Variants in SLC15A1 observed in about 807,000 individuals in gnomAD.
SLC15A1 encodes solute carrier family 15 member 1, also known as Caco-2 oligopeptide transporter.
Under a neutral mutation model 92.9 loss-of-function variants are expected in SLC15A1, and 83 were observed. That is an observed-to-expected ratio of 0.89 (90% CI 0.75 to 1.07). The LOEUF (loss-of-function observed/expected upper bound fraction) is 1.07. Among genes scored for constraint, SLC15A1 ranks in the 50% least tolerant of loss-of-function variants. The pLI is 0.00. For missense variants in SLC15A1, 857 were observed against 880.1 expected (o/e 0.97, Z 0.33); for synonymous variants, 322 against 318.2 (o/e 1.01, Z -0.13).
rs2088166556 is a variant in SLC15A1 at position 98,711,914 on chromosome 13, A to G, written c.840T>C (p.Val280=). Residue 280 remains valine, a synonymous_variant, in exon 11 of 23, where the codon GTT becomes GTC. Coordinates refer to ENST00000376503, the MANE Select transcript of SLC15A1 (RefSeq NM_005073.4). ...GAATATACAGGAACATCACCCTCGT[A>G]ACCATCTTAATTTGGGAGATGAGCC... ...DERLISQIKM[V]TRVMFLYIPL... is the part of the protein sequence containing the mutation. The G allele has an allele frequency of 6.2e-7, 1 of 1,613,120 alleles. No individual in the cohort carries two copies. Among genetic ancestry groups the G allele is most frequent in the East Asian group, 2.2e-5 (1 of 44,878 alleles).
At chr13:98,710,946 T>C (rs1323259517) in intron 11 of SLC15A1, among the ~76,000 whole-genome samples, 3 of 150,356 alleles carry the variant, frequency 2.0e-5, no homozygotes, top group Non-Finnish European at 4.4e-5. Flanking sequence ...CTTTGGAAAA[T>C]GTTAAGGGTT....
At chr13:98,692,512 C>A (rs553197324) in intron 18 of SLC15A1, among the ~76,000 whole-genome samples, 2 of 152,230 alleles carry the variant, frequency 1.3e-5, no homozygotes, top group East Asian at 3.9e-4. Context: ...CTGGGACATG[C>A]CCTACTTTGC....
intron 1 of SLC15A1, among the ~76,000 whole-genome samples, chr13:98,739,922 C>CG (rs1555325362): frequency 5.1e-4 from 77 of 152,224 alleles, no homozygotes; most frequent in Middle Eastern, 6.8e-3. Flanking sequence ...ACTTAAAATA[C>CG]GACAAGAATT....
rs777088882 is a variant in SLC15A1 at position 98,726,249 on chromosome 13, T to C, written c.119A>G (p.Tyr40Cys). 2 of 1,613,950 alleles carry C rather than the reference T, an allele frequency of 1.2e-6. No homozygotes were observed. Among genetic ancestry groups the C allele is most frequent in the Admixed American group, 1.7e-5 (1 of 60,006 alleles). Residue 40 changes from tyrosine (Y) to cysteine (C), a missense_variant, in exon 4 of 23, where the codon TAC becomes TGC. Coordinates refer to ENST00000376503, the MANE Select transcript of SLC15A1 (RefSeq NM_005073.4). ...YYGMRAILIL[Y>C]FTNFISWDDN... ...ATCCCAGCTGATGAAATTTGTGAAGTACAGAATCAGGATTGCTTTTGCAGA... is the reference window on the plus strand; with the variant it reads ...ATCCCAGCTGATGAAATTTGTGAAGCACAGAATCAGGATTGCTTTTGCAGA...
rs779326408 is a variant in SLC15A1, at chr13:98,708,697, C to A, written c.1138G>T (p.Val380Leu). 1 of 1,613,370 alleles carries A rather than the reference C, an allele frequency of 6.2e-7. No homozygotes were observed. The highest frequency in any genetic ancestry group is 1.3e-5 in the African/African-American group (1 of 74,996). ...AGGGGACAACTCACATCGATTTCCA[C>A]CTGCACGATGGCAGCCACCACAAAG... ...MAFVVAAIVQ[V>L]EIDKTLPVFP... is the part of the protein sequence containing the mutation. Residue 380 changes from valine (V) to leucine (L), a missense_variant, in exon 15 of 23, where the codon GTG becomes TTG. Val to Leu is a conservative substitution (Grantham distance 32, BLOSUM62 1). Coordinates refer to ENST00000376503, the MANE Select transcript of SLC15A1 (RefSeq NM_005073.4).
chr13:98,722,133 A>T (rs549172523), intron 5 of SLC15A1, among the ~76,000 whole-genome samples: 9 of 152,328 alleles, frequency 5.9e-5, no homozygotes, highest in Admixed American at 2.0e-4. Context: ...GGAAAACATA[A>T]AACAGTAGCT....
In SLC15A1 at chr13:98,689,611, A is replaced by AATTTTT. The variant is rs541417362; in HGVS notation, c.1467-1040_1467-1035dup. 3.3e-3 allele frequency among the ~76,000 whole-genome samples: 500 copies of AATTTTT among 152,020 alleles called. 3 individuals are homozygous for AATTTTT. Among genetic ancestry groups the AATTTTT allele is most frequent in the South Asian group, 0.011 (53 of 4,818 alleles). On this transcript the variant is annotated intron_variant, in intron 18 of 22. Coordinates refer to ENST00000376503, the MANE Select transcript of SLC15A1 (RefSeq NM_005073.4). Reference sequence around the variant, plus strand: ...CAGGTGTGTGCCACAATGCCTGGCTAATTTTTATTTTTATTTTTGTAGAGA... The same window carrying AATTTTT: ...CAGGTGTGTGCCACAATGCCTGGCTAATTTTTATTTTTATTTTTATTTTTGTAGAGA...
chr13:98,684,709 C>G lies in SLC15A1; in HGVS notation c.*15G>C, dbSNP rs1293350363. The G allele has an allele frequency of 6.2e-7, 1 of 1,612,398 alleles. No homozygotes were observed. The highest frequency in any genetic ancestry group is 8.5e-7 in the Non-Finnish European group (1 of 1,178,950). On this transcript the variant is annotated 3_prime_UTR_variant, in exon 23 of 23. Transcript: ENST00000376503. ...ATCTGCGGGCCCAGTCCATCCTCCACTTGCCTCCTGACCTTCACATCTGTT... is the reference window on the plus strand; with the variant it reads ...ATCTGCGGGCCCAGTCCATCCTCCAGTTGCCTCCTGACCTTCACATCTGTT...
chr13:98,736,796 C>T (rs1011874781), intron 1 of SLC15A1, among the ~76,000 whole-genome samples: 1 of 152,130 alleles, frequency 6.6e-6, no homozygotes, highest in Non-Finnish European at 1.5e-5. Context: ...CAATGAGATA[C>T]CACCTCACAC....
At chr13:98,709,530 G>T (rs761278249) in intron 14 of SLC15A1, 42 bp downstream of exon 14, 2 of 1,562,082 alleles carry the variant, frequency 1.3e-6, no homozygotes, top group South Asian at 1.1e-5. Context: ...AAAGCCCTGG[G>T]ACCAAGGGAG....
chr13:98,733,245 C>T (rs2088364298), intron 1 of SLC15A1, among the ~76,000 whole-genome samples: 1 of 152,150 alleles, frequency 6.6e-6, no homozygotes, highest in Non-Finnish European at 1.5e-5. Context: ...TGTGTGAAGC[C>T]ACTAAGCTTG....
At chr13:98,716,018 T>C in intron 8 of SLC15A1, 58 bp from the exon 9 acceptor site, 1 of 1,360,706 alleles carries the variant, frequency 7.3e-7, no homozygotes, top group Non-Finnish European at 1.1e-6. Context: ...CCCTGTGGCC[T>C]AGAGAGATGC....
At chr13:98,715,689 T>C (rs748234380) in intron 9 of SLC15A1, among the ~76,000 whole-genome samples, 189 bp downstream of exon 9, 1 of 152,266 alleles carries the variant, frequency 6.6e-6, no homozygotes, top group Non-Finnish European at 1.5e-5. Flanking sequence ...TCAAGAGCCA[T>C]TTCTATTCTT....
At position 98,706,233 on chromosome 13, in the gene SLC15A1, G is replaced by A. The variant is rs1236277473; in HGVS notation, c.1170C>T (p.Pro390=). 4 of 1,612,830 alleles carry A rather than the reference G, an allele frequency of 2.5e-6. No individual in the cohort carries two copies. The highest frequency in any genetic ancestry group is 3.4e-6 in the Non-Finnish European group (4 of 1,179,560). The stretch of plus-strand genomic sequence containing the variant: ...CTTTAATTTGGACTTCGTTTCCTTT[G>A]GGGAAGACTGGAAGAGTTTTCTGAG... ...VEIDKTLPVF[P]KGNEVQIKVL... is the part of the protein sequence containing the mutation. Residue 390 remains proline (P), a synonymous_variant, in exon 16 of 23, where the codon CCC becomes CCT. Coordinates refer to ENST00000376503, the MANE Select transcript of SLC15A1 (RefSeq NM_005073.4).
chr13:98,743,698 C>A (rs1202151192), intron 1 of SLC15A1, among the ~76,000 whole-genome samples: 1 of 85,692 alleles, frequency 1.2e-5, no homozygotes, highest in Non-Finnish European at 2.7e-5. Context: ...GTACAGCAAC[C>A]CTTGCTCTCC....
Position 98,711,811 on chromosome 13 carries a change from C to T in SLC15A1, c.900+43G>A, listed in dbSNP as rs77088110. 322 of 1,465,076 alleles carry T rather than the reference C, an allele frequency of 2.2e-4. No homozygotes were observed. In the African/African-American group the frequency reaches 2.2e-3, roughly 10 times the overall value. The allele number at this position is 1,465,076 out of a possible 1,614,324, so 90.8% of individuals were successfully genotyped here. On this transcript the variant is annotated intron_variant, in intron 11 of 22. Transcript: ENST00000376503. Reference sequence around the variant, plus strand: ...TTGGTACCTGGCAGTGCGGGATGTACGCTTGCTCCGTGAAGAAGAGCACAA... The same window carrying T: ...TTGGTACCTGGCAGTGCGGGATGTATGCTTGCTCCGTGAAGAAGAGCACAA...
Position 98,709,562 on chromosome 13 carries a change from C to T in SLC15A1, c.1067+10G>A, listed in dbSNP as rs374337231. The T allele has an allele frequency of 8.1e-6, 13 of 1,613,310 alleles. No individual in the cohort carries two copies. Among genetic ancestry groups the T allele is most frequent in the African/African-American group, 1.3e-5 (1 of 75,036 alleles). ...GGAGCCTCAACCAACCCAACCCACC[C>T]GTCACCTACGTGAAATTGAAGCCAC... On this transcript the variant is annotated intron_variant, in intron 14 of 22. Transcript: ENST00000376503.
intron 15 of SLC15A1, 136 bp downstream of exon 15, chr13:98,708,550 C>T (rs2088133814): frequency 1.5e-6 from 1 of 650,486 alleles, no homozygotes; most frequent in Admixed American, 3.6e-5. Context: ...CCTCCCACTG[C>T]CCACAGCTCC....
chr13:98,687,884 A>G (rs1358888424), intron 20 of SLC15A1, among the ~76,000 whole-genome samples, 160 bp from the exon 21 acceptor site: 1 of 152,234 alleles, frequency 6.6e-6, no homozygotes, highest in East Asian at 1.9e-4. Context: ...TACACTTGCA[A>G]TGGGATTTGA....
Sources: allele counts gnomAD v4.1 joint callset (sites outside exome capture counted in the v4.1 genomes callset), GRCh38; gene constraint gnomAD v4.1.1; transcripts MANE v1.5; gene names NCBI Gene and HGNC (gene_info 2026-07-23, HGNC 2026-07-21).